Variants in DNAJC11 observed in about 807,000 individuals in gnomAD.
The protein encoded by DNAJC11 is dnaJ homolog subfamily C member 11.
In DNAJC11, 15 loss-of-function variants were observed where a neutral mutation model predicts 78.6. That is an observed-to-expected ratio of 0.19 (90% CI 0.13 to 0.29). The LOEUF (loss-of-function observed/expected upper bound fraction) is 0.29, where lower values mean the gene tolerates loss of function less well. Among genes scored for constraint, DNAJC11 ranks in the 10% least tolerant of loss-of-function variants. DNAJC11 has a pLI of 1.00. For missense variants in DNAJC11, 547 were observed against 709.6 expected (o/e 0.77, Z 2.60); for synonymous variants, 292 against 272.1 (o/e 1.07, Z -0.72).
chr1:6,638,174 TA>T, intron 12 of DNAJC11, 120 bp downstream of exon 12: 1 of 948,058 alleles, frequency 1.1e-6, no homozygotes, highest in Non-Finnish European at 1.6e-6. Flanking sequence ...CAATAAAGAC[TA>T]AGTGGAGAGC....
chr1:6,642,169 T>A (rs1641887745), intron 10 of DNAJC11, among the ~76,000 whole-genome samples: 1 of 151,232 alleles, frequency 6.6e-6, no homozygotes, highest in Admixed American at 6.6e-5. Context: ...TAGAGAGGAG[T>A]ACTACATCAC....
Position 6,638,324 on chromosome 1 carries a change from G to A in DNAJC11, c.1294C>T (p.Leu432=), listed in dbSNP as rs41278032. The A allele has an allele frequency of 2.1e-4, 343 of 1,613,612 alleles. No individual in the cohort carries two copies. Among genetic ancestry groups the A allele is most frequent in the Non-Finnish European group, 2.7e-4 (317 of 1,179,726 alleles). The change falls in exon 12 of 16, where the codon CTG becomes TTG. Residue 432 remains leucine (L), a synonymous_variant. Transcript: ENST00000377577. ...GACTCCGCCTCTTGCTTCTTCTGCA[G>A]CACATCGGTGGCGGCGCTTTCCCTC... ...KQRESAATDV[L]QKKQEAESAV...
In DNAJC11 at chr1:6,637,161, G is replaced by A. The variant is rs200632306; in HGVS notation, c.1524+37C>T. 1.5e-4 allele frequency: 235 copies of A among 1,612,868 alleles called. 2 individuals are homozygous for A. Among genetic ancestry groups the A allele is most frequent in the Non-Finnish European group, 2.5e-5 (29 of 1,179,668 alleles). ...CACCGCGCCCAGCCTGTTCAAATCT[G>A]TGAGCACATAGCATGTGGTGGCTGG... On this transcript the variant is annotated intron_variant, in intron 14 of 15. Coordinates refer to ENST00000377577, the MANE Select transcript of DNAJC11 (RefSeq NM_018198.4).
chr1:6,637,149 C>G (rs375129304), intron 14 of DNAJC11, 49 bp downstream of exon 14: 1 of 1,610,860 alleles, frequency 6.2e-7, no homozygotes, highest in East Asian at 2.2e-5. Flanking sequence ...CGCGCCCAGC[C>G]TGTTCAAATC....
chr1:6,691,108 CA>C (rs1417551441), intron 1 of DNAJC11, among the ~76,000 whole-genome samples: 1 of 131,764 alleles, frequency 7.6e-6, no homozygotes, highest in Non-Finnish European at 1.6e-5. Flanking sequence ...AAAAAACTTA[CA>C]AAACACAATA....
intron 14 of DNAJC11, among the ~76,000 whole-genome samples, chr1:6,636,738 T>C (rs1388133485): frequency 6.6e-6 from 1 of 152,158 alleles, no homozygotes; most frequent in Non-Finnish European, 1.5e-5. Flanking sequence ...CCAACGTGGG[T>C]ACTACTCAGG....
intron 3 of DNAJC11, among the ~76,000 whole-genome samples, chr1:6,668,553 T>G (rs561271256): frequency 6.6e-6 from 1 of 152,284 alleles, no homozygotes; most frequent in South Asian, 2.1e-4. Flanking sequence ...TAGAGACTCC[T>G]TTTGAGCTTC....
intron 1 of DNAJC11, among the ~76,000 whole-genome samples, chr1:6,695,627 T>TAAAAA (rs70984004): frequency 0.17 from 13,615 of 81,280 alleles, 2,147 homozygotes; most frequent in Non-Finnish European, 0.21. Context: ...CTATCTCTAC[T>TAAAAA]AAAAAAAAAA....
At chr1:6,660,716 G>A (rs954449402) in intron 4 of DNAJC11, among the ~76,000 whole-genome samples, 1 of 152,070 alleles carries the variant, frequency 6.6e-6, no homozygotes, top group East Asian at 1.9e-4. Context: ...CCCCCCTTTC[G>A]TAGCTAGCAC....
intron 4 of DNAJC11, among the ~76,000 whole-genome samples, chr1:6,666,261 G>A (rs1165715802): frequency 2.0e-5 from 3 of 151,992 alleles, no homozygotes; most frequent in Non-Finnish European, 2.9e-5. Flanking sequence ...ACATGTTCTG[G>A]ATATATGGTC....
In DNAJC11 at chr1:6,634,643, C is replaced by T. The variant is rs763209518; in HGVS notation, c.*1032G>A. 11 of 1,366,400 alleles carry T rather than the reference C, an allele frequency of 8.1e-6. No individual in the cohort carries two copies. The African/African-American group carries it at 8.9e-5, about 11-fold the overall frequency. 84.6% of individuals were successfully genotyped at this position (1,366,400 alleles called of 1,614,324 possible). A position where few individuals can be genotyped will look rare whatever the true frequency, so the allele number is the denominator to read the frequency against. ...ACTTTACTGCAGCCGAGGTCCAGGCCGTGGAGGGGGTCCTAGCTCCGCTGC... is the reference window on the plus strand; with the variant it reads ...ACTTTACTGCAGCCGAGGTCCAGGCTGTGGAGGGGGTCCTAGCTCCGCTGC... On this transcript the variant is annotated 3_prime_UTR_variant, in exon 16 of 16. Transcript: ENST00000377577.
intron 4 of DNAJC11, among the ~76,000 whole-genome samples, chr1:6,667,193 G>A (rs554671662): frequency 2.0e-5 from 3 of 152,168 alleles, no homozygotes; most frequent in Non-Finnish European, 2.9e-5. Flanking sequence ...CCAATGCCCT[G>A]GGGTGATGTG....
chr1:6,677,089 C>G (rs138854346), intron 3 of DNAJC11, among the ~76,000 whole-genome samples: 1 of 145,750 alleles, frequency 6.9e-6, no homozygotes, highest in African/African-American at 2.5e-5. Flanking sequence ...GCAGGAGAAT[C>G]ACTTGTTGCA....
At chr1:6,697,489 G>T (rs146724238) in intron 1 of DNAJC11, among the ~76,000 whole-genome samples, 1 of 152,210 alleles carries the variant, frequency 6.6e-6, no homozygotes, top group African/African-American at 2.4e-5. Flanking sequence ...TCCCAATAGG[G>T]TTCATGCTCC....
At chr1:6,668,542 C>T (rs2148741538) in intron 3 of DNAJC11, among the ~76,000 whole-genome samples, 1 of 152,228 alleles carries the variant, frequency 6.6e-6, no homozygotes, top group African/African-American at 2.4e-5. Context: ...GAGACAATCG[C>T]TAGAGACTCC....
At chr1:6,675,344 T>TA (rs1283348695) in intron 3 of DNAJC11, among the ~76,000 whole-genome samples, 1 of 151,938 alleles carries the variant, frequency 6.6e-6, no homozygotes, top group Non-Finnish European at 1.5e-5. Context: ...CTTAGTTTAC[T>TA]AAAAAAATAC....
At chr1:6,640,993 A>G (rs1641866406) in intron 10 of DNAJC11, among the ~76,000 whole-genome samples, 1 of 152,184 alleles carries the variant, frequency 6.6e-6, no homozygotes, top group South Asian at 2.1e-4. Context: ...AAAAGCCAGA[A>G]AAAGAAAACA....
At chr1:6,701,642 C>T (rs3761925) in intron 1 of DNAJC11, 87 bp downstream of exon 1, 436,901 of 1,365,010 alleles carry the variant, frequency 0.32, 72,280 homozygotes, top group South Asian at 0.46. Context: ...CCTCCCGTGG[C>T]GGGGGTGGGG....
At chr1:6,670,738 G>A (rs1642367131) in intron 3 of DNAJC11, 1 of 152,156 alleles carries the variant, frequency 6.6e-6, no homozygotes, top group African/African-American at 2.4e-5. Flanking sequence ...GGCATTCTGG[G>A]TTCTATTTCG....
Sources: allele counts gnomAD v4.1 joint callset (sites outside exome capture counted in the v4.1 genomes callset), GRCh38; gene constraint gnomAD v4.1.1; transcripts MANE v1.5; gene names NCBI Gene and HGNC (gene_info 2026-07-23, HGNC 2026-07-21).